Variants in TCEAL1 observed in about 807,000 individuals in gnomAD.
The protein encoded by TCEAL1 is transcription elongation factor A protein-like 1.
For missense variants in TCEAL1, 82 were observed against 125.9 expected, an observed-to-expected ratio of 0.65 and a Z score of 1.67; for synonymous variants, 48 against 46.0, an observed-to-expected ratio of 1.04 and a Z score of -0.17.
At chrX:103,628,845 AGCAGGTG>A (rs1457237154), upstream of TCEAL1, 32 of 111,781 alleles carry the variant, frequency 2.9e-4, no homozygotes, top group Admixed American at 2.5e-3. Flanking sequence ...AGCAGGCACT[AGCAGGTG>A]GCTGCGGCAG....
chrX:103,630,591 AG>A lies in TCEAL1; in HGVS notation c.*196del. The A allele has an allele frequency of 2.2e-6, 1 of 455,256 alleles. No homozygotes were observed. Among genetic ancestry groups the A allele is most frequent in the Non-Finnish European group, 3.6e-6 (1 of 275,011 alleles). 37.5% of individuals were successfully genotyped at this position (455,256 alleles called of 1,213,427 possible). A position where few individuals can be genotyped will look rare whatever the true frequency, so the allele number is the denominator to read the frequency against. On this transcript the variant is annotated 3_prime_UTR_variant, in exon 3 of 3. Coordinates refer to ENST00000372625, the MANE Select transcript of TCEAL1 (RefSeq NM_004780.3). Reference sequence around the variant, plus strand: ...TAAAATCTACAAGTTTCCCTCTTTCAGTCATGAGCCCTACACATTTGCATGA... The same window carrying A: ...TAAAATCTACAAGTTTCCCTCTTTCATCATGAGCCCTACACATTTGCATGA...
In TCEAL1 at chrX:103,630,468, T is replaced by A; in HGVS notation, c.*72T>A. On this transcript the variant is annotated 3_prime_UTR_variant, in exon 3 of 3. Coordinates refer to ENST00000372625, the MANE Select transcript of TCEAL1 (RefSeq NM_004780.3). The stretch of plus-strand genomic sequence containing the variant: ...TGCCACCTGGACTTTCTGTTTGCAT[T>A]TTCTTAATGCCTTTTCCCATATTCT... 9.6e-7 allele frequency: 1 copy of A among 1,036,559 alleles called. No individual in the cohort carries two copies. Among genetic ancestry groups the A allele is most frequent in the Non-Finnish European group, 1.3e-6 (1 of 786,847 alleles). 85.4% of individuals were successfully genotyped at this position (1,036,559 alleles called of 1,213,427 possible).
chrX:103,629,231 G>A (rs766237889), intron 1 of TCEAL1, among the ~76,000 whole-genome samples: 29 of 111,510 alleles, frequency 2.6e-4, no homozygotes, highest in Non-Finnish European at 4.9e-4. Flanking sequence ...CCCGGGAGGG[G>A]GGTACAGACA....
chrX:103,629,336 G>A (rs996976880), intron 1 of TCEAL1, among the ~76,000 whole-genome samples, 158 bp from the exon 2 acceptor site: 7 of 111,664 alleles, frequency 6.3e-5, no homozygotes, highest in Non-Finnish European at 1.3e-4. Context: ...CACGGAGGAC[G>A]AAGCTTGACG....
Position 103,630,019 on chromosome X carries a change from G to A in TCEAL1, c.103G>A (p.Glu35Lys), listed in dbSNP as rs759474630. The A allele has an allele frequency of 1.2e-5, 15 of 1,206,477 alleles. No individual in the cohort carries two copies. The Admixed American group carries it at 2.4e-4, about 19-fold the overall frequency. ...GCACTCTCCCGAAAAGCAGTCCCCC[G>A]AGGAGCAGTCTTCGGAGGAGCAGTC... ...VEHSPEKQSP[E>K]EQSSEEQSSE... is the part of the protein sequence containing the mutation. The change falls in exon 3 of 3, where the codon GAG (glutamate) becomes AAG (lysine). Residue 35 changes from glutamate (E) to lysine (K), a missense_variant. Glu to Lys is a moderately conservative substitution (Grantham distance 56). Coordinates refer to ENST00000372625, the MANE Select transcript of TCEAL1 (RefSeq NM_004780.3).
In TCEAL1 at chrX:103,630,907, AACG is replaced by A. The variant is rs1415786495; in HGVS notation, c.*514_*516del. The A allele has an allele frequency of 8.1e-6, 1 of 123,851 alleles. No individual in the cohort carries two copies. Among genetic ancestry groups the A allele is most frequent in the Admixed American group, 9.4e-5 (1 of 10,663 alleles). The allele number at this position is 123,851 out of a possible 1,213,427, so 10.2% of individuals were successfully genotyped here. A position where few individuals can be genotyped will look rare whatever the true frequency, so the allele number is the denominator to read the frequency against. On this transcript the variant is annotated 3_prime_UTR_variant, in exon 3 of 3. Coordinates refer to ENST00000372625, the MANE Select transcript of TCEAL1 (RefSeq NM_004780.3). ...TGAAGAAAACTGTCAATCAGCTTATAACGACAATGTGGCACTTAATAAATACTT... is the reference window on the plus strand; with the variant it reads ...TGAAGAAAACTGTCAATCAGCTTATAACAATGTGGCACTTAATAAATACTT...
rs2073716014 is a variant in TCEAL1, at chrX:103,630,072, G to A, written c.156G>A (p.Glu52=). ...QSSEEEFFPE[E]LLPELLPEML... is the part of the protein sequence containing the mutation. ...CGGAGGAGGAGTTCTTTCCTGAGGA[G>A]CTCTTGCCTGAGCTCCTGCCTGAGA... is the stretch of plus-strand genomic sequence containing the variant. The change falls in exon 3 of 3, where the codon GAG becomes GAA. Residue 52 remains glutamate, a synonymous_variant. Transcript: ENST00000372625. The A allele has an allele frequency of 5.0e-6, 6 of 1,210,643 alleles. No individual in the cohort carries two copies. In the East Asian group the frequency reaches 1.5e-4, roughly 30 times the overall value.
At position 103,629,887 on chromosome X, in the gene TCEAL1, T is replaced by C. The variant is rs2073714203; in HGVS notation, c.-30T>C. On this transcript the variant is annotated splice_region_variant and 5_prime_UTR_variant, in exon 3 of 3. Transcript: ENST00000372625. ...TTCTGCCTTTCTTGTCTCCTAAGAA[T>C]AACTGTGCTTGAAGAAGAAAATTCC... 5.4e-6 allele frequency: 6 copies of C among 1,116,491 alleles called. No individual in the cohort carries two copies. In the African/African-American group the frequency reaches 9.2e-5, roughly 17 times the overall value. The allele number at this position is 1,116,491 out of a possible 1,213,427, so 92.0% of individuals were successfully genotyped here.
chrX:103,630,581 T>C lies in TCEAL1; in HGVS notation c.*185T>C. The C allele has an allele frequency of 2.0e-6, 1 of 492,613 alleles. No individual in the cohort carries two copies. The highest frequency in any genetic ancestry group is 3.3e-6 in the Non-Finnish European group (1 of 306,593). The allele number at this position is 492,613 out of a possible 1,213,427, so 40.6% of individuals were successfully genotyped here. A position where few individuals can be genotyped will look rare whatever the true frequency, so the allele number is the denominator to read the frequency against. ...GGTTTCCCCCTAAAATCTACAAGTT[T>C]CCCTCTTTCAGTCATGAGCCCTACA... On this transcript the variant is annotated 3_prime_UTR_variant, in exon 3 of 3. Coordinates refer to ENST00000372625, the MANE Select transcript of TCEAL1 (RefSeq NM_004780.3).
In TCEAL1 at chrX:103,630,022, G is replaced by A; in HGVS notation, c.106G>A (p.Glu36Lys). Residue 36 changes from glutamate to lysine, a missense_variant, in exon 3 of 3, where the codon GAG (glutamate) becomes AAG (lysine). Glu to Lys is a moderately conservative substitution (Grantham distance 56). Coordinates refer to ENST00000372625, the MANE Select transcript of TCEAL1 (RefSeq NM_004780.3). ...CTCTCCCGAAAAGCAGTCCCCCGAGGAGCAGTCTTCGGAGGAGCAGTCCTC... is the reference window on the plus strand; with the variant it reads ...CTCTCCCGAAAAGCAGTCCCCCGAGAAGCAGTCTTCGGAGGAGCAGTCCTC... ...EHSPEKQSPE[E>K]QSSEEQSSEE... is the part of the protein sequence containing the mutation. 2.5e-6 allele frequency: 3 copies of A among 1,206,918 alleles called. No individual in the cohort carries two copies. Among genetic ancestry groups the A allele is most frequent in the South Asian group, 1.8e-5 (1 of 56,243 alleles).
At position 103,630,515 on chromosome X, in the gene TCEAL1, C is replaced by T. The variant is rs2073718923; in HGVS notation, c.*119C>T. 2 of 858,349 alleles carry T rather than the reference C, an allele frequency of 2.3e-6. No individual in the cohort carries two copies. Among genetic ancestry groups the T allele is most frequent in the Admixed American group, 4.5e-5 (1 of 22,189 alleles). The allele number at this position is 858,349 out of a possible 1,213,427, so 70.7% of individuals were successfully genotyped here. A position where few individuals can be genotyped will look rare whatever the true frequency, so the allele number is the denominator to read the frequency against. ...TTCTGAATTTTAACTTTTTGTGAGG[C>T]TTTATTTTAGATGTTTAGCATGTAA... On this transcript the variant is annotated 3_prime_UTR_variant, in exon 3 of 3. Transcript: ENST00000372625.
chrX:103,630,152 T>C lies in TCEAL1; in HGVS notation c.236T>C (p.Phe79Ser). The change falls in exon 3 of 3, where the codon TTT becomes TCT. Residue 79 changes from phenylalanine to serine, a missense_variant. Transcript: ENST00000372625. ...PQEGLSRKDL[F>S]EGRPPMEQPP... The stretch of plus-strand genomic sequence containing the variant: ...GAGGGTCTTTCCAGGAAGGACCTGT[T>C]TGAGGGGCGCCCTCCCATGGAGCAG... 4.1e-6 allele frequency: 5 copies of C among 1,211,642 alleles called. No homozygotes were observed. Among genetic ancestry groups the C allele is most frequent in the Non-Finnish European group, 5.6e-6 (5 of 895,401 alleles).
intron 2 of TCEAL1, 54 bp downstream of exon 2, chrX:103,629,627 T>G: frequency 3.6e-6 from 1 of 277,440 alleles, no homozygotes; most frequent in Non-Finnish European, 6.3e-6. Context: ...AGGCATGGAG[T>G]CTGCAGGCCG....
chrX:103,629,329 G>A (rs1050055506), intron 1 of TCEAL1, among the ~76,000 whole-genome samples, 165 bp from the exon 2 acceptor site: 3 of 111,752 alleles, frequency 2.7e-5, no homozygotes, highest in Non-Finnish European at 3.8e-5. Context: ...GTGGGAGCAC[G>A]GAGGACGAAG....
chrX:103,629,778 G>A lies in TCEAL1; in HGVS notation c.-32-107G>A, dbSNP rs1054093949. 41 of 761,697 alleles carry A rather than the reference G, an allele frequency of 5.4e-5. No homozygotes were observed. The African/African-American group carries it at 6.8e-4, about 13-fold the overall frequency. 62.8% of individuals were successfully genotyped at this position (761,697 alleles called of 1,213,427 possible). A position where few individuals can be genotyped will look rare whatever the true frequency, so the allele number is the denominator to read the frequency against. Reference sequence around the variant, plus strand: ...AGCCTCTGGGAAAGCGCAAGGTTGAGGACCTGGCCCCCGAATCAGGAAAAG... The same window carrying A: ...AGCCTCTGGGAAAGCGCAAGGTTGAAGACCTGGCCCCCGAATCAGGAAAAG... On this transcript the variant is annotated intron_variant, in intron 2 of 2. Transcript: ENST00000372625.
At chrX:103,629,809 T>G in intron 2 of TCEAL1, 76 bp from the exon 3 acceptor site, 1 of 961,866 alleles carries the variant, frequency 1.0e-6, no homozygotes, top group Non-Finnish European at 1.4e-6. Context: ...AAAAGGCAGG[T>G]ATTGGAACCC....
In TCEAL1 at chrX:103,630,741, G is replaced by T. The variant is rs12689938; in HGVS notation, c.*345G>T. ...ATGCAAAGAAAAAGCTAAAAGTATA[G>T]ACTTCAAAGGCATAACAGTGGTTGT... On this transcript the variant is annotated 3_prime_UTR_variant, in exon 3 of 3. Coordinates refer to ENST00000372625, the MANE Select transcript of TCEAL1 (RefSeq NM_004780.3). 8.8e-4 allele frequency: 118 copies of T among 134,402 alleles called. No individual in the cohort carries two copies. The East Asian group carries it at 0.025, about 29-fold the overall frequency. 11.1% of individuals were successfully genotyped at this position (134,402 alleles called of 1,213,427 possible). A position where few individuals can be genotyped will look rare whatever the true frequency, so the allele number is the denominator to read the frequency against.
At chrX:103,629,184 T>G (rs2073706745) in intron 1 of TCEAL1, among the ~76,000 whole-genome samples, 159 bp downstream of exon 1, 2 of 111,793 alleles carry the variant, frequency 1.8e-5, no homozygotes, top group Non-Finnish European at 3.8e-5. Flanking sequence ...ATGGTGGTCT[T>G]TGGGGCGGGG....
Position 103,630,429 on chromosome X carries a change from A to G in TCEAL1, c.*33A>G. ...GGCCTTTAATTCTGTTTTGCCTGCT[A>G]ATAGTATTGCCATTGCCACCTGGAC... On this transcript the variant is annotated 3_prime_UTR_variant, in exon 3 of 3. Transcript: ENST00000372625. The G allele has an allele frequency of 8.9e-7, 1 of 1,129,339 alleles. No homozygotes were observed. The highest frequency in any genetic ancestry group is 1.2e-6 in the Non-Finnish European group (1 of 854,502). The allele number at this position is 1,129,339 out of a possible 1,213,427, so 93.1% of individuals were successfully genotyped here. A position where few individuals can be genotyped will look rare whatever the true frequency, so the allele number is the denominator to read the frequency against.
Sources: allele counts gnomAD v4.1 joint callset (sites outside exome capture counted in the v4.1 genomes callset), GRCh38; gene constraint gnomAD v4.1.1; transcripts MANE v1.5; gene names NCBI Gene and HGNC (gene_info 2026-07-23, HGNC 2026-07-21).